Variants in ARHGAP24 observed in about 807,000 individuals in gnomAD.
The protein encoded by ARHGAP24 is Rho GTPase activating protein 24.
A neutral mutation model predicts 76.4 loss-of-function variants in ARHGAP24; 50 were observed. The ratio of observed to expected loss-of-function variants is 0.65; its 90% confidence interval spans 0.52 to 0.83. The LOEUF is 0.83. ARHGAP24 is among the 40% of genes least tolerant of loss of function. The pLI, the probability that ARHGAP24 is intolerant of heterozygous loss-of-function variation, is 0.00. For synonymous variants in ARHGAP24, 345 were observed against 323.3 expected, an observed-to-expected ratio of 1.07 and a Z score of -0.72; for missense variants, 930 against 914.2, an observed-to-expected ratio of 1.02 and a Z score of -0.22.
chr4:85,633,137 C>T (rs1465086303), intron 2 of ARHGAP24, among the ~76,000 whole-genome samples: 3 of 151,830 alleles, frequency 2.0e-5, no homozygotes, highest in Admixed American at 6.6e-5. Flanking sequence ...TGGCACCTCT[C>T]ATATTAACAG....
intron 2 of ARHGAP24, among the ~76,000 whole-genome samples, chr4:85,631,265 C>G (rs1005865563): frequency 6.6e-6 from 1 of 151,972 alleles, no homozygotes; most frequent in African/African-American, 2.4e-5. Context: ...ATTTATATAT[C>G]TTTCTTAATT....
At chr4:85,821,521 A>G (rs186039416) in intron 3 of ARHGAP24, among the ~76,000 whole-genome samples, 3 of 152,326 alleles carry the variant, frequency 2.0e-5, no homozygotes, top group Non-Finnish European at 4.4e-5. Context: ...GACTACAAGC[A>G]CATGGCATCA....
chr4:85,887,380 T>A (rs1440891514), intron 3 of ARHGAP24, among the ~76,000 whole-genome samples: 2 of 152,076 alleles, frequency 1.3e-5, no homozygotes, highest in East Asian at 3.8e-4. Context: ...GAATTATTAA[T>A]CAAAGGAGAG....
chr4:85,797,495 G>A (rs918134912), intron 3 of ARHGAP24, among the ~76,000 whole-genome samples: 1 of 152,148 alleles, frequency 6.6e-6, no homozygotes, highest in Middle Eastern at 3.2e-3. Flanking sequence ...ATTTTTAAAG[G>A]GACATATCCA....
intron 1 of ARHGAP24, among the ~76,000 whole-genome samples, chr4:85,507,328 C>A (rs980512968): frequency 1.3e-5 from 2 of 152,078 alleles, no homozygotes; most frequent in Admixed American, 1.3e-4. Context: ...CACAAGTGAT[C>A]CTCCTGCCTC....
chr4:85,517,098 G>A (rs757023738), intron 1 of ARHGAP24, among the ~76,000 whole-genome samples: 11 of 151,972 alleles, frequency 7.2e-5, no homozygotes, highest in East Asian at 1.9e-4. Context: ...GGTCCATTTC[G>A]GGATTTTCCC....
intron 1 of ARHGAP24, among the ~76,000 whole-genome samples, chr4:85,484,489 T>C (rs1472354860): frequency 1.3e-5 from 2 of 152,166 alleles, no homozygotes; most frequent in Non-Finnish European, 2.9e-5. Flanking sequence ...TGAGAATTGT[T>C]TTCTCCTCAA....
At chr4:85,647,984 C>T (rs1262921192) in intron 2 of ARHGAP24, among the ~76,000 whole-genome samples, 2 of 152,042 alleles carry the variant, frequency 1.3e-5, no homozygotes, top group Non-Finnish European at 2.9e-5. Flanking sequence ...ACCAGCAATC[C>T]TTAGAAAAAT....
In ARHGAP24 at chr4:85,765,379, A is replaced by G. The variant is rs574158675; in HGVS notation, c.268+43407A>G. 6.5e-4 allele frequency among the ~76,000 whole-genome samples: 99 copies of G among 152,254 alleles called. No homozygotes were observed. In the South Asian group the frequency reaches 0.02, roughly 30 times the overall value. On this transcript the variant is annotated intron_variant, in intron 3 of 9. Transcript: ENST00000395184. Reference sequence around the variant, plus strand: ...AGCTTAGAGCATGTAGGTGTGATCTATGGATTCAAGATGAATGATTAATGT... The same window carrying G: ...AGCTTAGAGCATGTAGGTGTGATCTGTGGATTCAAGATGAATGATTAATGT...
At chr4:85,572,310 A>T (rs78544298) in intron 2 of ARHGAP24, among the ~76,000 whole-genome samples, 2,192 of 152,304 alleles carry the variant, frequency 0.014, 61 homozygotes, top group African/African-American at 0.05. Context: ...TTACGGAGGA[A>T]CACAGTGAAT....
intron 2 of ARHGAP24, among the ~76,000 whole-genome samples, chr4:85,655,808 G>GAGAGAGAC (rs1722136436): frequency 1.2e-5 from 1 of 82,076 alleles, no homozygotes; most frequent in Non-Finnish European, 2.2e-5. Flanking sequence ...GAGAGAGAGA[G>GAGAGAGAC]AGAGAGAGAA....
chr4:85,805,164 G>A (rs1479998890), intron 3 of ARHGAP24, among the ~76,000 whole-genome samples: 4 of 152,072 alleles, frequency 2.6e-5, no homozygotes, highest in Non-Finnish European at 2.9e-5. Context: ...TGATACTTTC[G>A]TCTTTGAAAC....
At chr4:85,652,395 A>C (rs1238165778) in intron 2 of ARHGAP24, among the ~76,000 whole-genome samples, 2 of 152,214 alleles carry the variant, frequency 1.3e-5, no homozygotes, top group African/African-American at 2.4e-5. Context: ...TTTGTTAACG[A>C]AATTTCCATG....
At chr4:85,954,779 G>A (rs554469652) in intron 5 of ARHGAP24, among the ~76,000 whole-genome samples, 306 of 152,316 alleles carry the variant, frequency 2.0e-3, no homozygotes, top group African/African-American at 7.3e-3. Context: ...AGGCCAAGGC[G>A]GGTGTATCAC....
At chr4:85,498,786 G>A (rs1723681751) in intron 1 of ARHGAP24, among the ~76,000 whole-genome samples, 1 of 152,188 alleles carries the variant, frequency 6.6e-6, no homozygotes, top group South Asian at 2.1e-4. Flanking sequence ...TCACCATCTT[G>A]TATGATACTT....
chr4:85,487,865 TATATAA>T (rs1256737217), intron 1 of ARHGAP24, among the ~76,000 whole-genome samples: 1 of 124,356 alleles, frequency 8.0e-6, no homozygotes, highest in South Asian at 2.2e-4. Context: ...TTATATATAT[TATATAA>T]ATATATAATA....
chr4:85,917,552 C>T (rs1428017848), intron 3 of ARHGAP24, among the ~76,000 whole-genome samples: 1 of 152,154 alleles, frequency 6.6e-6, no homozygotes, highest in African/African-American at 2.4e-5. Flanking sequence ...GTTCCTATTT[C>T]TCCACATCCT....
At chr4:85,810,059 C>A (rs763371942) in intron 3 of ARHGAP24, among the ~76,000 whole-genome samples, 1 of 152,030 alleles carries the variant, frequency 6.6e-6, no homozygotes, top group South Asian at 2.1e-4. Flanking sequence ...TCAAGGCTGT[C>A]GAGAGGATAA....
chr4:85,477,011 T>C (rs1010892021), intron 1 of ARHGAP24, among the ~76,000 whole-genome samples: 1 of 152,152 alleles, frequency 6.6e-6, no homozygotes, highest in South Asian at 2.1e-4. Context: ...ACTTCACCTT[T>C]GACATCTTGG....
Sources: allele counts gnomAD v4.1 joint callset (sites outside exome capture counted in the v4.1 genomes callset), GRCh38; gene constraint gnomAD v4.1.1; transcripts MANE v1.5; gene names NCBI Gene and HGNC (gene_info 2026-07-23, HGNC 2026-07-21).